Variants in ADK observed in about 807,000 individuals in gnomAD.
The protein encoded by ADK is N6,N6-dimethyladenosine kinase.
A neutral mutation model predicts 44.7 loss-of-function variants in ADK; 24 were observed. The observed-to-expected ratio is 0.54, with a 90% confidence interval of 0.39 to 0.76. The LOEUF (loss-of-function observed/expected upper bound fraction) is 0.76, where lower values mean the gene tolerates loss of function less well. ADK is among the 30% of genes least tolerant of loss of function. The pLI, the probability that ADK is intolerant of heterozygous loss-of-function variation, is 0.00. For missense variants in ADK, 321 were observed against 425.1 expected, an observed-to-expected ratio of 0.76 and a Z score of 2.15; for synonymous variants, 128 against 142.6, an observed-to-expected ratio of 0.90 and a Z score of 0.73.
chr10:74,691,066 A>G (rs537984575), intron 10 of ADK, among the ~76,000 whole-genome samples: 3 of 152,248 alleles, frequency 2.0e-5, no homozygotes, highest in African/African-American at 7.2e-5. Flanking sequence ...ACCTTTAAAA[A>G]GAATGTAACA....
At position 74,274,732 on chromosome 10, in the gene ADK, G is replaced by GTGTATATATATATA. The variant is rs1554836801; in HGVS notation, c.195-39934_195-39933insGTATATATATATAT. Among the ~76,000 whole-genome samples, 201 of 84,190 alleles carry GTGTATATATATATA rather than the reference G, an allele frequency of 2.4e-3. 7 individuals carry two copies. Among genetic ancestry groups the GTGTATATATATATA allele is most frequent in the African/African-American group, 7.1e-3 (163 of 23,006 alleles). 55.2% of individuals were successfully genotyped at this position (84,190 alleles called of 152,430 possible). A position where few individuals can be genotyped will look rare whatever the true frequency, so the allele number is the denominator to read the frequency against. On this transcript the variant is annotated intron_variant, in intron 3 of 10. Coordinates refer to ENST00000539909, the MANE Select transcript of ADK (RefSeq NM_006721.4). ...TAGTAGGAGAAAAATTTTAATGTGT[G>GTGTATATATATATA]TATATATATATATATACACACACAC...
intron 9 of ADK, among the ~76,000 whole-genome samples, chr10:74,606,242 C>A (rs2133980509): frequency 6.6e-6 from 1 of 152,216 alleles, no homozygotes; most frequent in Admixed American, 6.5e-5. Flanking sequence ...CTAACTCCTT[C>A]ACCTCTGCTC....
chr10:74,574,668 A>G (rs1185529981), intron 7 of ADK, among the ~76,000 whole-genome samples: 2 of 152,232 alleles, frequency 1.3e-5, no homozygotes, highest in Non-Finnish European at 1.5e-5. Context: ...AAATGAAACA[A>G]TACCATAATC....
chr10:74,522,588 T>G (rs774854973), intron 6 of ADK, among the ~76,000 whole-genome samples: 1 of 152,204 alleles, frequency 6.6e-6, no homozygotes, highest in Non-Finnish European at 1.5e-5. Flanking sequence ...TTAATTTTTT[T>G]AGTCTTCTTA....
At chr10:74,648,004 G>T (rs1255342506) in intron 9 of ADK, among the ~76,000 whole-genome samples, 1 of 151,992 alleles carries the variant, frequency 6.6e-6, no homozygotes, top group Non-Finnish European at 1.5e-5. Flanking sequence ...TTATCTTCTT[G>T]CATCTTCAAT....
chr10:74,674,203 A>G (rs930388668), intron 10 of ADK, among the ~76,000 whole-genome samples: 10 of 152,172 alleles, frequency 6.6e-5, no homozygotes, highest in African/African-American at 2.4e-4. Flanking sequence ...GTCCCTATCA[A>G]TAGCACCCAT....
At chr10:74,348,039 A>G (rs113237186) in intron 4 of ADK, among the ~76,000 whole-genome samples, 4,043 of 152,226 alleles carry the variant, frequency 0.027, 179 homozygotes, top group African/African-American at 0.093. Flanking sequence ...AGAACAGCTG[A>G]TACTGACAAG....
chr10:74,174,805 G>A (rs1385970680), intron 1 of ADK, among the ~76,000 whole-genome samples: 1 of 152,226 alleles, frequency 6.6e-6, no homozygotes, highest in Non-Finnish European at 1.5e-5. Context: ...GAACACATCA[G>A]TTTTATAGAC....
chr10:74,420,568 C>T (rs1485553515), intron 6 of ADK, among the ~76,000 whole-genome samples: 14 of 151,870 alleles, frequency 9.2e-5, no homozygotes, highest in Admixed American at 9.2e-4. Context: ...AGGTTCTATC[C>T]CTGGAAAATA....
intron 6 of ADK, among the ~76,000 whole-genome samples, chr10:74,518,007 G>A (rs1347094436): frequency 6.6e-6 from 1 of 152,110 alleles, no homozygotes; most frequent in African/African-American, 2.4e-5. Flanking sequence ...ATGCTTTGTT[G>A]TAACTCATAT....
At chr10:74,595,784 G>A (rs1162414096) in intron 8 of ADK, among the ~76,000 whole-genome samples, 1 of 131,516 alleles carries the variant, frequency 7.6e-6, no homozygotes. Context: ...ATCACCTGAG[G>A]TCAGGAGTTC....
intron 9 of ADK, among the ~76,000 whole-genome samples, chr10:74,626,160 TAA>T (rs1246513866): frequency 6.6e-6 from 1 of 152,188 alleles, no homozygotes; most frequent in Non-Finnish European, 1.5e-5. Flanking sequence ...CACCCCATTT[TAA>T]ATCCACATAG....
chr10:74,187,146 G>A (rs899957278), intron 1 of ADK, among the ~76,000 whole-genome samples: 3 of 151,820 alleles, frequency 2.0e-5, no homozygotes, highest in Non-Finnish European at 4.4e-5. Context: ...GTGTGTACTT[G>A]TATTTCATCA....
chr10:74,413,333 AGACTCTTTT>A (rs1329164071), intron 6 of ADK, among the ~76,000 whole-genome samples: 21 of 152,306 alleles, frequency 1.4e-4, no homozygotes, highest in Admixed American at 7.2e-4. Context: ...TGCCAGTAGA[AGACTCTTTT>A]GTCTATGTTG....
chr10:74,401,913 G>A (rs1006393451), intron 6 of ADK, among the ~76,000 whole-genome samples: 3 of 152,096 alleles, frequency 2.0e-5, no homozygotes, highest in African/African-American at 4.8e-5. Flanking sequence ...CTTCCTTCAG[G>A]AGCTCTTGTA....
chr10:74,677,312 T>A (rs887043395), intron 10 of ADK, among the ~76,000 whole-genome samples: 2 of 152,184 alleles, frequency 1.3e-5, no homozygotes, highest in Non-Finnish European at 2.9e-5. Flanking sequence ...TTACAAAAAA[T>A]TTTTAAAGAG....
chr10:74,555,973 C>A (rs1164543791), intron 7 of ADK, among the ~76,000 whole-genome samples: 1 of 152,128 alleles, frequency 6.6e-6, no homozygotes, highest in Admixed American at 6.6e-5. Flanking sequence ...CTTTTTAGGT[C>A]TCTAATAATA....
At chr10:74,476,438 G>C (rs367680364) in intron 6 of ADK, among the ~76,000 whole-genome samples, 14 of 151,756 alleles carry the variant, frequency 9.2e-5, no homozygotes, top group Non-Finnish European at 1.8e-4. Flanking sequence ...GTTGCAGTGA[G>C]TCAAGATCGT....
At chr10:74,522,066 A>G (rs1051199349) in intron 6 of ADK, among the ~76,000 whole-genome samples, 2 of 152,196 alleles carry the variant, frequency 1.3e-5, no homozygotes, top group Admixed American at 1.3e-4. Context: ...CGCAAGGGTC[A>G]TGACTGAACC....
Sources: allele counts gnomAD v4.1 joint callset (sites outside exome capture counted in the v4.1 genomes callset), GRCh38; gene constraint gnomAD v4.1.1; transcripts MANE v1.5; gene names NCBI Gene and HGNC (gene_info 2026-07-23, HGNC 2026-07-21).